The following PANK1 variants were observed in gnomAD, a reference collection of about 807,000 sequenced individuals.
PANK1 encodes pantothenic acid kinase 1.
Under a neutral mutation model 40.1 loss-of-function variants are expected in PANK1, and 18 were observed. The observed-to-expected ratio is 0.45, with a 90% CI of 0.31 to 0.67. The LOEUF (loss-of-function observed/expected upper bound fraction) is 0.67. Ranked by LOEUF, PANK1 falls within the 30% of genes least tolerant of loss-of-function variation. PANK1 has a pLI of 0.06. For synonymous variants in PANK1, 242 were observed against 237.7 expected (o/e 1.02, Z -0.17); for missense variants, 457 against 599.6 (o/e 0.76, Z 2.48).
intron 1 of PANK1, among the ~76,000 whole-genome samples, chr10:89,612,732 A>G (rs1845199490): frequency 6.6e-6 from 1 of 152,260 alleles, no homozygotes; most frequent in Non-Finnish European, 1.5e-5. Context: ...TTAAACAGAG[A>G]CATCCTCTCT....
intron 2 of PANK1, among the ~76,000 whole-genome samples, chr10:89,600,752 T>G (rs1398638180): frequency 1.3e-5 from 2 of 152,044 alleles, no homozygotes; most frequent in Non-Finnish European, 2.9e-5. Context: ...ATATTACTAC[T>G]GGCCCAGAGA....
intron 1 of PANK1, chr10:89,643,970 C>G: frequency 1.2e-6 from 1 of 850,084 alleles, no homozygotes; most frequent in South Asian, 2.3e-5. Flanking sequence ...ACCTCCAATC[C>G]TCATTGGTCC....
At chr10:89,588,602 A>C in intron 6 of PANK1, 50 bp downstream of exon 6, 1 of 1,461,108 alleles carries the variant, frequency 6.8e-7, no homozygotes, top group East Asian at 2.5e-5. Flanking sequence ...TGTTAGCCAA[A>C]CCAAAATATA....
chr10:89,643,656 C>T (rs760464958), intron 1 of PANK1: 1 of 1,470,612 alleles, frequency 6.8e-7, no homozygotes, highest in Non-Finnish European at 9.5e-7. Flanking sequence ...AGCATAACCT[C>T]TATGCAAATG....
chr10:89,643,563 A>G, intron 1 of PANK1: 1 of 652,306 alleles, frequency 1.5e-6, no homozygotes, highest in East Asian at 2.7e-5. Flanking sequence ...ACATAGAAAC[A>G]GGGAAAAGTG....
At chr10:89,585,657 CAG>C (rs1232144122) in intron 6 of PANK1, among the ~76,000 whole-genome samples, 4 of 152,172 alleles carry the variant, frequency 2.6e-5, no homozygotes, top group African/African-American at 4.8e-5. Flanking sequence ...AATGGAGAGA[CAG>C]AGTCATTGTC....
intron 1 of PANK1, chr10:89,643,998 A>G: frequency 1.8e-6 from 1 of 557,170 alleles, no homozygotes; most frequent in Non-Finnish European, 2.8e-6. Context: ...TCCGGCCCAC[A>G]TGGTATCAGT....
At chr10:89,595,826 AAAAAAAAATATATATATAT>A (rs1400037829) in intron 3 of PANK1, among the ~76,000 whole-genome samples, 7 of 77,028 alleles carry the variant, frequency 9.1e-5, no homozygotes, top group Admixed American at 1.7e-4. Context: ...TAAAAAAAAA[AAAAAAAAATATATATATAT>A]ATATATATAT....
chr10:89,593,757 G>T lies in PANK1; in HGVS notation c.1076+56C>A, dbSNP rs1844481077. 2.0e-5 allele frequency: 26 copies of T among 1,318,718 alleles called. 1 individual carries two copies. In the South Asian group the frequency reaches 2.4e-4, roughly 12 times the overall value. The allele number at this position is 1,318,718 out of a possible 1,614,324, so 81.7% of individuals were successfully genotyped here. A position where few individuals can be genotyped will look rare whatever the true frequency, so the allele number is the denominator to read the frequency against. ...TTAAAACAACTTAGTGAATGGCCAG[G>T]GTGGAGAGGCTGCCTTGTGTTTAAT... On this transcript the variant is annotated intron_variant, in intron 4 of 6. Transcript: ENST00000307534.
At chr10:89,597,220 A>T (rs962974080) in intron 3 of PANK1, among the ~76,000 whole-genome samples, 9 of 152,244 alleles carry the variant, frequency 5.9e-5, no homozygotes, top group African/African-American at 2.2e-4. Context: ...TTACACACTC[A>T]TACTAACCAT....
At chr10:89,614,789 C>T (rs922403781) in intron 1 of PANK1, among the ~76,000 whole-genome samples, 3 of 150,932 alleles carry the variant, frequency 2.0e-5, no homozygotes, top group Non-Finnish European at 4.4e-5. Context: ...AGAGTGAGAC[C>T]CCCTATCTCA....
chr10:89,605,579 T>C (rs1010919432), intron 2 of PANK1, among the ~76,000 whole-genome samples: 1 of 152,238 alleles, frequency 6.6e-6, no homozygotes, highest in African/African-American at 2.4e-5. Context: ...ATCTTCAGGA[T>C]CTACTTCTGA....
At chr10:89,606,855 C>A (rs2182416) in intron 2 of PANK1, among the ~76,000 whole-genome samples, 121,331 of 152,068 alleles carry the variant, frequency 0.8, 48,987 homozygotes, top group African/African-American at 0.91. Flanking sequence ...CAGCTTCCTC[C>A]CCTCTCTCAG....
intron 1 of PANK1, among the ~76,000 whole-genome samples, chr10:89,618,261 G>A (rs775465880): frequency 6.6e-6 from 1 of 152,168 alleles, no homozygotes; most frequent in Non-Finnish European, 1.5e-5. Flanking sequence ...CTTTCTGAAT[G>A]GGAGTATAGA....
At chr10:89,609,134 G>A (rs181590318) in intron 2 of PANK1, among the ~76,000 whole-genome samples, 10 of 152,198 alleles carry the variant, frequency 6.6e-5, no homozygotes, top group Admixed American at 1.3e-4. Flanking sequence ...GCACGATCTC[G>A]GCTCACTGTA....
chr10:89,620,932 C>T (rs1007086839), intron 1 of PANK1, among the ~76,000 whole-genome samples: 1 of 152,164 alleles, frequency 6.6e-6, no homozygotes, highest in Non-Finnish European at 1.5e-5. Flanking sequence ...TTCCCCGATA[C>T]ACTTCAAAGA....
At chr10:89,632,699 T>C (rs1221564215) in intron 1 of PANK1, among the ~76,000 whole-genome samples, 1 of 152,224 alleles carries the variant, frequency 6.6e-6, no homozygotes, top group Non-Finnish European at 1.5e-5. Context: ...TCTGCTAGCA[T>C]TGATGGAATT....
In PANK1 at chr10:89,644,746, C is replaced by G; in HGVS notation, c.146G>C (p.Gly49Ala). ...CGCCGCGTCGCTGCCGCCCACTGGA[C>G]CCCGGCTGCAGACGTGCGGCGGCTG... ...PVQPPHVCSRGPVGGSDAAPQ... is the reference protein window; with the variant it reads ...PVQPPHVCSRAPVGGSDAAPQ... Residue 49 changes from glycine (G) to alanine (A), a missense_variant, in exon 1 of 7, where the codon GGT becomes GCT. Gly to Ala is a moderately conservative substitution (Grantham distance 60). This residue lies in a region of PANK1 where 144 missense variants were observed against 131.2 expected (regional missense o/e 1.10). Coordinates refer to ENST00000307534, the MANE Select transcript of PANK1 (RefSeq NM_148977.3). 1 of 1,521,394 alleles carries G rather than the reference C, an allele frequency of 6.6e-7. No homozygotes were observed. Among genetic ancestry groups the G allele is most frequent in the Non-Finnish European group, 8.8e-7 (1 of 1,140,752 alleles). The allele number at this position is 1,521,394 out of a possible 1,614,324, so 94.2% of individuals were successfully genotyped here.
intron 5 of PANK1, 67 bp downstream of exon 5, chr10:89,593,130 G>C: frequency 6.7e-7 from 1 of 1,492,220 alleles, no homozygotes; most frequent in South Asian, 1.2e-5. Context: ...GAGTCAACAG[G>C]TGTTGCACTG....
Sources: allele counts gnomAD v4.1 joint callset (sites outside exome capture counted in the v4.1 genomes callset), GRCh38; gene constraint gnomAD v4.1.1; regional missense constraint gnomAD v4.1.1; transcripts MANE v1.5; gene names NCBI Gene and HGNC (gene_info 2026-07-23, HGNC 2026-07-21).